The following ARHGAP15 variants were observed in gnomAD, a reference collection of about 807,000 sequenced individuals.
ARHGAP15 encodes Rho GTPase activating protein 15, also known as rho GTPase-activating protein 15.
ARHGAP15 carries 51 observed loss-of-function variants against 63.7 expected under a neutral mutation model. The ratio of observed to expected loss-of-function variants is 0.80; its 90% CI spans 0.64 to 1.01. ARHGAP15 has a LOEUF of 1.01. ARHGAP15 is among the 50% of genes least tolerant of loss of function. ARHGAP15 has a pLI of 0.00. For missense variants in ARHGAP15, 560 were observed against 564.6 expected, an observed-to-expected ratio of 0.99 and a Z score of 0.08; for synonymous variants, 191 against 193.8, an observed-to-expected ratio of 0.99 and a Z score of 0.12.
intron 9 of ARHGAP15, among the ~76,000 whole-genome samples, chr2:143,490,433 A>G (rs902895418): frequency 6.6e-6 from 1 of 152,186 alleles, no homozygotes; most frequent in Non-Finnish European, 1.5e-5. Context: ...TATTGACCCT[A>G]TAACGCCCAT....
At chr2:143,518,110 C>T (rs759204640) in intron 9 of ARHGAP15, among the ~76,000 whole-genome samples, 1 of 152,068 alleles carries the variant, frequency 6.6e-6, no homozygotes, top group Non-Finnish European at 1.5e-5. Context: ...GAGGGTTGCA[C>T]AACATTGTGA....
Position 143,487,490 on chromosome 2 carries a change from T to C in ARHGAP15, c.821T>C (p.Ile274Thr). Residue 274 changes from isoleucine to threonine, a missense_variant, in exon 9 of 14, where the codon ATT becomes ACT. Ile to Thr is a moderately conservative substitution (Grantham distance 89). Coordinates refer to ENST00000295095, the MANE Select transcript of ARHGAP15 (RefSeq NM_018460.4). The stretch of plus-strand genomic sequence containing the variant: ...AAAACTCTGCAAGAAAAAGGACTTA[T>C]TAAAGGTACAGGTCATTTTATACTT... ...SLKTLQEKGL[I>T]KDQIFGSHLH... 1.2e-6 allele frequency: 2 copies of C among 1,612,540 alleles called. No homozygotes were observed. Among genetic ancestry groups the C allele is most frequent in the Non-Finnish European group, 1.7e-6 (2 of 1,179,516 alleles).
chr2:143,727,928 G>A (rs961048862), intron 13 of ARHGAP15, among the ~76,000 whole-genome samples: 22 of 152,206 alleles, frequency 1.4e-4, no homozygotes, highest in African/African-American at 5.3e-4. Flanking sequence ...AAGTTATGGA[G>A]TTAGCTGGAA....
In ARHGAP15 at chr2:143,584,940, G is replaced by A. The variant is rs546643514; in HGVS notation, c.1003+28455G>A. Among the ~76,000 whole-genome samples the A allele has an allele frequency of 2.0e-5, 3 of 152,296 alleles. No homozygotes were observed. The East Asian group carries it at 5.8e-4, about 29-fold the overall frequency. On this transcript the variant is annotated intron_variant, in intron 11 of 13. Coordinates refer to ENST00000295095, the MANE Select transcript of ARHGAP15 (RefSeq NM_018460.4). ...AATGATTTATATTTGACTTTGGAAT[G>A]TCTTGCTAATATCTTCGTACATGTA...
intron 11 of ARHGAP15, among the ~76,000 whole-genome samples, chr2:143,571,259 T>G (rs563329508): frequency 8.5e-5 from 13 of 152,290 alleles, no homozygotes; most frequent in African/African-American, 3.1e-4. Flanking sequence ...ATAAATGTAA[T>G]GTGCTTGAAT....
chr2:143,641,399 A>G (rs892493568), intron 12 of ARHGAP15: 4 of 152,188 alleles, frequency 2.6e-5, no homozygotes, highest in Non-Finnish European at 5.9e-5. Flanking sequence ...AAGATTTGCT[A>G]TCGGTTTTTA....
chr2:143,214,181 C>T (rs564485752), intron 3 of ARHGAP15, among the ~76,000 whole-genome samples: 91 of 152,152 alleles, frequency 6.0e-4, no homozygotes, highest in South Asian at 4.2e-3. Flanking sequence ...TAGCAGAGAA[C>T]GCATGCATCA....
At chr2:143,354,600 A>G (rs938911651) in intron 6 of ARHGAP15, among the ~76,000 whole-genome samples, 3 of 152,152 alleles carry the variant, frequency 2.0e-5, no homozygotes, top group Non-Finnish European at 2.9e-5. Context: ...CAGACGGGCC[A>G]TTTTAAGAAA....
At chr2:143,630,181 A>C (rs928483739) in intron 12 of ARHGAP15, among the ~76,000 whole-genome samples, 5 of 152,104 alleles carry the variant, frequency 3.3e-5, no homozygotes, top group Admixed American at 1.3e-4. Flanking sequence ...TCCAAGAGTG[A>C]GTGAGATTTC....
chr2:143,303,990 T>C (rs1223914001), intron 6 of ARHGAP15, among the ~76,000 whole-genome samples: 2 of 152,112 alleles, frequency 1.3e-5, no homozygotes, highest in East Asian at 1.9e-4. Context: ...CTAGAAACAC[T>C]TTTACACTGT....
chr2:143,212,772 G>T lies in ARHGAP15; in HGVS notation c.235-3612G>T, dbSNP rs116237013. The stretch of plus-strand genomic sequence containing the variant: ...CAAAATGCATAGCAATCTTTTGCTT[G>T]CCCTAATACTTCTTTCGGCACACTA... On this transcript the variant is annotated intron_variant, in intron 3 of 13. Coordinates refer to ENST00000295095, the MANE Select transcript of ARHGAP15 (RefSeq NM_018460.4). Among the ~76,000 whole-genome samples, 1,412 of 152,250 alleles carry T rather than the reference G, an allele frequency of 9.3e-3. 12 individuals carry two copies. Among genetic ancestry groups the T allele is most frequent in the Non-Finnish European group, 0.015 (1,006 of 68,022 alleles).
At chr2:143,645,983 T>C (rs1205392496) in intron 12 of ARHGAP15, among the ~76,000 whole-genome samples, 10 of 152,076 alleles carry the variant, frequency 6.6e-5, no homozygotes, top group Admixed American at 6.6e-4. Context: ...CAGATAGCTA[T>C]TCTGGCAGTA....
intron 6 of ARHGAP15, among the ~76,000 whole-genome samples, chr2:143,415,194 A>G (rs1429847290): frequency 6.6e-6 from 1 of 152,186 alleles, no homozygotes; most frequent in Non-Finnish European, 1.5e-5. Flanking sequence ...TCAAGTGATC[A>G]TCTCATTCAT....
intron 13 of ARHGAP15, among the ~76,000 whole-genome samples, chr2:143,712,445 T>A (rs190309257): frequency 6.6e-6 from 1 of 152,240 alleles, no homozygotes; most frequent in Admixed American, 6.5e-5. Flanking sequence ...GTGATTGAGA[T>A]CTAGGGACAA....
chr2:143,305,005 T>C (rs1342368915), intron 6 of ARHGAP15, among the ~76,000 whole-genome samples: 1 of 152,096 alleles, frequency 6.6e-6, no homozygotes, highest in Non-Finnish European at 1.5e-5. Flanking sequence ...TAAATCATTC[T>C]ACTATAAAGA....
chr2:143,620,491 A>G (rs1437994819), intron 11 of ARHGAP15, among the ~76,000 whole-genome samples: 1 of 152,242 alleles, frequency 6.6e-6, no homozygotes, highest in Non-Finnish European at 1.5e-5. Context: ...ATTTAAGGAT[A>G]AAATGTAAAA....
At chr2:143,624,103 G>A (rs752377353) in intron 11 of ARHGAP15, 30 bp from the exon 12 acceptor site, 3 of 1,610,210 alleles carry the variant, frequency 1.9e-6, no homozygotes, top group East Asian at 2.2e-5. Context: ...ATTAAAACCA[G>A]TTGTTCCATT....
chr2:143,357,933 A>G (rs1685876827), intron 6 of ARHGAP15, among the ~76,000 whole-genome samples: 1 of 152,212 alleles, frequency 6.6e-6, no homozygotes, highest in Non-Finnish European at 1.5e-5. Flanking sequence ...GAGAGTATTT[A>G]TTTGTGTAAA....
chr2:143,582,473 C>A (rs1314864199), intron 11 of ARHGAP15, among the ~76,000 whole-genome samples: 1 of 152,086 alleles, frequency 6.6e-6, no homozygotes, highest in Non-Finnish European at 1.5e-5. Context: ...TGAGGAGGGG[C>A]ATTGATAAAT....
Sources: gnomAD v4.1 joint callset for allele counts (sites outside exome capture counted in the v4.1 genomes callset) on GRCh38, gnomAD v4.1.1 for gene constraint, MANE v1.5 for transcripts, NCBI Gene and HGNC (gene_info 2026-07-23, HGNC 2026-07-21) for gene names.